CDH4: variants seen among roughly 807,000 people sequenced by gnomAD.
The protein encoded by CDH4 is cadherin-4.
CDH4 carries 33 observed loss-of-function variants against 86.0 expected under a neutral mutation model. The ratio of observed to expected loss-of-function variants is 0.38; its 90% confidence interval spans 0.29 to 0.51. CDH4 has a LOEUF of 0.51. Among genes scored for constraint, CDH4 ranks in the 20% least tolerant of loss-of-function variants. The pLI is 0.86. For synonymous variants in CDH4, 555 were observed against 549.4 expected (o/e 1.01, Z -0.14); for missense variants, 1,114 against 1,307.4 (o/e 0.85, Z 2.28).
At chr20:61,910,323 TTG>T in intron 8 of CDH4, 97 bp from the exon 9 acceptor site, 3 of 1,052,834 alleles carry the variant, frequency 2.8e-6, no homozygotes, top group Non-Finnish European at 4.3e-6. Flanking sequence ...TGTGTTCTGT[TTG>T]TGAACACTCG....
intron 8 of CDH4, among the ~76,000 whole-genome samples, chr20:61,896,714 C>T (rs1248907918): frequency 4.6e-5 from 7 of 152,242 alleles, no homozygotes. Flanking sequence ...TGCTCTCTTC[C>T]GGCCAGTGAG....
chr20:61,729,708 G>A (rs948975556), intron 2 of CDH4, among the ~76,000 whole-genome samples: 2 of 152,236 alleles, frequency 1.3e-5, no homozygotes, highest in African/African-American at 4.8e-5. Flanking sequence ...GCACACACTT[G>A]TTGCCATGTT....
intron 6 of CDH4, among the ~76,000 whole-genome samples, chr20:61,869,600 G>C (rs965395866): frequency 6.6e-6 from 1 of 152,184 alleles, no homozygotes; most frequent in African/African-American, 2.4e-5. Flanking sequence ...TCTGTTTCCA[G>C]CCTCCCGCTG....
intron 2 of CDH4, among the ~76,000 whole-genome samples, chr20:61,536,584 A>G (rs2085999066): frequency 6.6e-6 from 1 of 152,148 alleles, no homozygotes; most frequent in South Asian, 2.1e-4. Flanking sequence ...AGGCCACACT[A>G]ATACGGTAGA....
At chr20:61,774,152 GCCGGC>G (rs1464094582) in intron 4 of CDH4, among the ~76,000 whole-genome samples, 1 of 152,248 alleles carries the variant, frequency 6.6e-6, no homozygotes, top group Non-Finnish European at 1.5e-5. Flanking sequence ...TCTGCACAGA[GCCGGC>G]CCTCCCACCT....
chr20:61,706,513 T>C (rs1366000852), intron 2 of CDH4, among the ~76,000 whole-genome samples: 1 of 152,162 alleles, frequency 6.6e-6, no homozygotes, highest in Admixed American at 6.5e-5. Context: ...GGAGAAAGTT[T>C]AGCTACGACG....
At chr20:61,332,922 G>A (rs554169844) in intron 2 of CDH4, among the ~76,000 whole-genome samples, 53 of 152,314 alleles carry the variant, frequency 3.5e-4, no homozygotes, top group African/African-American at 1.2e-3. Context: ...AGGCTGACGC[G>A]CCCTTGCCCT....
chr20:61,282,787 A>G (rs908291126), intron 2 of CDH4, among the ~76,000 whole-genome samples: 13 of 152,204 alleles, frequency 8.5e-5, no homozygotes, highest in African/African-American at 2.7e-4. Flanking sequence ...GCATGTGTGA[A>G]GGAGTGCATG....
At chr20:61,682,316 GGA>G (rs764415718) in intron 2 of CDH4, among the ~76,000 whole-genome samples, 4 of 151,768 alleles carry the variant, frequency 2.6e-5, no homozygotes, top group Admixed American at 2.0e-4. Flanking sequence ...ACAGATGGAA[GGA>G]GAGAGGGAGG....
At chr20:61,787,991 T>G (rs886195980) in intron 4 of CDH4, among the ~76,000 whole-genome samples, 1 of 152,194 alleles carries the variant, frequency 6.6e-6, no homozygotes, top group African/African-American at 2.4e-5. Context: ...TGGTTGATTC[T>G]GAAACCCAAA....
chr20:61,559,665 T>G (rs1430576191), intron 2 of CDH4, among the ~76,000 whole-genome samples: 1 of 151,638 alleles, frequency 6.6e-6, no homozygotes, highest in Non-Finnish European at 1.5e-5. Context: ...ACTACAGGCG[T>G]GTGCTGCTTC....
At position 61,791,767 on chromosome 20, in the gene CDH4, C is replaced by T. The variant is rs116376252; in HGVS notation, c.576+18585C>T. 8.6e-3 allele frequency among the ~76,000 whole-genome samples: 1,305 copies of T among 152,268 alleles called. 19 individuals carry two copies. Among genetic ancestry groups the T allele is most frequent in the African/African-American group, 0.028 (1,158 of 41,558 alleles). ...GGAGCCAGATGCTGAACTGGGCCTG[C>T]ATGGCAAGGAGCCGGCTGTGCACAG... is the stretch of plus-strand genomic sequence containing the variant. On this transcript the variant is annotated intron_variant, in intron 4 of 15. Transcript: ENST00000614565.
At chr20:61,352,131 C>T (rs186065770) in intron 2 of CDH4, among the ~76,000 whole-genome samples, 13 of 152,188 alleles carry the variant, frequency 8.5e-5, no homozygotes, top group Non-Finnish European at 1.5e-4. Flanking sequence ...GCTCACTCAC[C>T]GTCTGCACTC....
intron 4 of CDH4, among the ~76,000 whole-genome samples, chr20:61,819,732 A>G (rs1165711143): frequency 1.3e-5 from 2 of 152,212 alleles, no homozygotes; most frequent in African/African-American, 4.8e-5. Flanking sequence ...TGATACACAT[A>G]TAATTACAAA....
intron 2 of CDH4, among the ~76,000 whole-genome samples, chr20:61,567,303 G>A: frequency 6.6e-6 from 1 of 152,162 alleles, no homozygotes; most frequent in South Asian, 2.1e-4. Context: ...CAGACAGACT[G>A]GGTGGCTTAG....
chr20:61,751,325 TC>T (rs1325556048), intron 3 of CDH4, among the ~76,000 whole-genome samples: 4 of 152,156 alleles, frequency 2.6e-5, no homozygotes, highest in Admixed American at 6.5e-5. Context: ...TGCCAAATGT[TC>T]CCTGGGGGGC....
intron 9 of CDH4, among the ~76,000 whole-genome samples, chr20:61,922,532 C>T (rs1202105415): frequency 2.0e-5 from 3 of 152,226 alleles, no homozygotes; most frequent in Non-Finnish European, 4.4e-5. Flanking sequence ...TCACCACAAA[C>T]CAGGTGGGTT....
At chr20:61,319,796 A>C (rs951521190) in intron 2 of CDH4, among the ~76,000 whole-genome samples, 2 of 151,954 alleles carry the variant, frequency 1.3e-5, no homozygotes, top group Admixed American at 6.6e-5. Context: ...AAAAAAAAAA[A>C]AAACAAAATT....
At position 61,383,191 on chromosome 20, in the gene CDH4, G is replaced by GAATATATATT. The variant is rs1394303262; in HGVS notation, c.169+128261_169+128262insATTAATATAT. Among the ~76,000 whole-genome samples the GAATATATATT allele has an allele frequency of 5.8e-5, 4 of 69,322 alleles. 2 individuals carry two copies. The highest frequency in any genetic ancestry group is 3.0e-4 in the African/African-American group (4 of 13,126). The allele number at this position is 69,322 out of a possible 152,430, so 45.5% of individuals were successfully genotyped here. On this transcript the variant is annotated intron_variant, in intron 2 of 15. Transcript: ENST00000614565. ...TATGAATATATTTATGAATATATATGAATATATTTATATATGAATATATAT... is the reference window on the plus strand; with the variant it reads ...TATGAATATATTTATGAATATATATGAATATATATTAATATATTTATATATGAATATATAT...
Sources: gnomAD v4.1 joint callset for allele counts (sites outside exome capture counted in the v4.1 genomes callset) on GRCh38, gnomAD v4.1.1 for gene constraint, MANE v1.5 for transcripts, NCBI Gene and HGNC (gene_info 2026-07-23, HGNC 2026-07-21) for gene names.